The following C9 variants were observed in gnomAD, a reference collection of about 807,000 sequenced individuals.
C9 encodes the protein complement C9.
C9 carries 63 observed loss-of-function variants against 65.4 expected under a neutral mutation model. That is an observed-to-expected ratio of 0.96 (90% CI 0.79 to 1.19). The LOEUF (loss-of-function observed/expected upper bound fraction) is 1.19. Among genes scored for constraint, C9 ranks in the 50% most tolerant of loss-of-function variants. C9 has a pLI of 0.00. For synonymous variants in C9, 229 were observed against 227.9 expected (o/e 1.00, Z -0.04); for missense variants, 744 against 670.1 (o/e 1.11, Z -1.22).
At chr5:39,340,172 T>C (rs1754048691) in intron 4 of C9, among the ~76,000 whole-genome samples, 1 of 152,324 alleles carries the variant, frequency 6.6e-6, no homozygotes, top group African/African-American at 2.4e-5. Flanking sequence ...AATTAATAAT[T>C]AGCCAATGTA....
rs759197863 is a variant in C9, at chr5:39,364,491, G to C, written c.-27C>G. On this transcript the variant is annotated 5_prime_UTR_variant, in exon 1 of 11. Coordinates refer to ENST00000263408, the MANE Select transcript of C9 (RefSeq NM_001737.5). The stretch of plus-strand genomic sequence containing the variant: ...CTGCTCTTGCTGGGTGGCTGCGAGT[G>C]GGGTGGCAGGGCAGGTCTGGTAAGG... 5.0e-6 allele frequency: 7 copies of C among 1,398,136 alleles called. No homozygotes were observed. Among genetic ancestry groups the C allele is most frequent in the Non-Finnish European group, 6.1e-6 (6 of 985,220 alleles). The allele number at this position is 1,398,136 out of a possible 1,614,324, so 86.6% of individuals were successfully genotyped here. A position where few individuals can be genotyped will look rare whatever the true frequency, so the allele number is the denominator to read the frequency against.
intron 1 of C9, among the ~76,000 whole-genome samples, chr5:39,364,097 A>G (rs888551805): frequency 6.6e-6 from 1 of 152,224 alleles, no homozygotes; most frequent in Non-Finnish European, 1.5e-5. Flanking sequence ...TTCATCATAC[A>G]CTGGTGAAAA....
chr5:39,359,174 G>A (rs10941432), intron 1 of C9, among the ~76,000 whole-genome samples: 59,604 of 144,750 alleles, frequency 0.41, 13,010 homozygotes, highest in Non-Finnish European at 0.48. Context: ...AATGACACAC[G>A]TAGAGGTCTC....
At chr5:39,306,138 G>C (rs1310238547) in intron 9 of C9, among the ~76,000 whole-genome samples, 1 of 146,040 alleles carries the variant, frequency 6.8e-6, no homozygotes, top group African/African-American at 2.5e-5. Flanking sequence ...ACTCCAGCCT[G>C]GGTGACACAG....
At chr5:39,341,986 G>A in intron 2 of C9, 105 bp downstream of exon 2, 1 of 790,918 alleles carries the variant, frequency 1.3e-6, no homozygotes, top group South Asian at 1.4e-5. Flanking sequence ...TTCTGGGTTT[G>A]GAACTCAGTT....
chr5:39,349,156 G>T (rs1438990566), intron 1 of C9, among the ~76,000 whole-genome samples: 7 of 147,636 alleles, frequency 4.7e-5, no homozygotes, highest in African/African-American at 1.5e-4. Context: ...ATATGCCCTA[G>T]AACTTAAAGT....
intron 5 of C9, among the ~76,000 whole-genome samples, chr5:39,316,512 C>CA (rs1753572468): frequency 6.6e-6 from 1 of 152,098 alleles, no homozygotes; most frequent in African/African-American, 2.4e-5. Flanking sequence ...CCCCTACCCC[C>CA]AACAGGCCCC....
chr5:39,349,279 C>A (rs536948970), intron 1 of C9, among the ~76,000 whole-genome samples: 1 of 152,044 alleles, frequency 6.6e-6, no homozygotes, highest in South Asian at 2.1e-4. Context: ...CATTGAATAT[C>A]TCCTTCCTTT....
intron 4 of C9, among the ~76,000 whole-genome samples, chr5:39,332,275 C>A (rs1011635095): frequency 6.6e-5 from 10 of 152,274 alleles, no homozygotes; most frequent in Non-Finnish European, 1.3e-4. Flanking sequence ...CTCTCACTCA[C>A]CCCATTCTCT....
intron 9 of C9, among the ~76,000 whole-genome samples, chr5:39,293,311 T>A (rs1010462619): frequency 7.2e-5 from 11 of 152,012 alleles, no homozygotes; most frequent in Non-Finnish European, 1.2e-4. Context: ...ATGTTCCCTA[T>A]AAGAAACTCA....
chr5:39,342,002 G>T, intron 2 of C9, 89 bp downstream of exon 2: 2 of 832,956 alleles, frequency 2.4e-6, no homozygotes, highest in South Asian at 1.3e-5. Context: ...CAGTTGTGGG[G>T]CTCCCTGCCT....
intron 5 of C9, among the ~76,000 whole-genome samples, chr5:39,330,807 A>T (rs2111927467): frequency 6.6e-6 from 1 of 152,366 alleles, no homozygotes; most frequent in African/African-American, 2.4e-5. Flanking sequence ...AGTCTTTAGC[A>T]TTCATGAGAA....
intron 5 of C9, among the ~76,000 whole-genome samples, chr5:39,319,036 C>T (rs918500697): frequency 3.3e-5 from 5 of 152,026 alleles, no homozygotes; most frequent in Admixed American, 1.3e-4. Context: ...AGAATGTTCT[C>T]TTACTCTTTC....
At position 39,331,729 on chromosome 5, in the gene C9, T is replaced by C; in HGVS notation, c.562A>G (p.Asn188Asp). 1 of 1,613,832 alleles carries C rather than the reference T, an allele frequency of 6.2e-7. No homozygotes were observed. The change falls in exon 5 of 11, where the codon AAC (asparagine) becomes GAC (aspartate). Residue 188 changes from asparagine (N) to aspartate (D), a missense_variant. Coordinates refer to ENST00000263408, the MANE Select transcript of C9 (RefSeq NM_001737.5). ...NGLCNRDRDG[N>D]TLTYYRRPWN... Reference sequence around the variant, plus strand: ...GGTCTTCGGTAGTATGTCAGAGTGTTTCCATCCCGATCCCGGTTACAGAGT... The same window carrying C: ...GGTCTTCGGTAGTATGTCAGAGTGTCTCCATCCCGATCCCGGTTACAGAGT...
At chr5:39,307,306 TGTAA>T (rs1228655156) in intron 8 of C9, among the ~76,000 whole-genome samples, 1 of 152,206 alleles carries the variant, frequency 6.6e-6, no homozygotes, top group East Asian at 1.9e-4. Context: ...AACAAAACTT[TGTAA>T]GTCTTTTACA....
At chr5:39,338,547 G>A (rs1249213990) in intron 4 of C9, among the ~76,000 whole-genome samples, 1 of 152,162 alleles carries the variant, frequency 6.6e-6, no homozygotes, top group Non-Finnish European at 1.5e-5. Flanking sequence ...AAAGTATTAT[G>A]CAAATGAAAG....
Position 39,285,153 on chromosome 5 carries a change from T to C in C9, c.*46A>G. 1 of 1,504,306 alleles carries C rather than the reference T, an allele frequency of 6.6e-7. No individual in the cohort carries two copies. Among genetic ancestry groups the C allele is most frequent in the Non-Finnish European group, 9.3e-7 (1 of 1,079,984 alleles). 93.2% of individuals were successfully genotyped at this position (1,504,306 alleles called of 1,614,324 possible). ...TATCTTCAGGGGTAGGATCTGAAGG[T>C]ACTAGTGTTTTCTTCTTCCACTGGA... On this transcript the variant is annotated 3_prime_UTR_variant, in exon 11 of 11. Transcript: ENST00000263408.
chr5:39,341,390 A>G, intron 3 of C9, 97 bp from the exon 4 acceptor site: 1 of 1,501,950 alleles, frequency 6.7e-7, no homozygotes, highest in Non-Finnish European at 9.3e-7. Flanking sequence ...GAGGTGAGGT[A>G]TCAGAAAAAC....
In C9 at chr5:39,314,457, A is replaced by ATAAAT. The variant is rs564121235; in HGVS notation, c.870+1313_870+1317dup. On this transcript the variant is annotated intron_variant, in intron 6 of 10. Coordinates refer to ENST00000263408, the MANE Select transcript of C9 (RefSeq NM_001737.5). ...AGAGCAAAAATCTATCTCAAAATAA[A>ATAAAT]TAAATTAAATTAAATTAAATTAAAT... Among the ~76,000 whole-genome samples, 192 of 152,124 alleles carry ATAAAT rather than the reference A, an allele frequency of 1.3e-3. 1 individual carries two copies. The highest frequency in any genetic ancestry group is 0.01 in the East Asian group (53 of 5,178).
Sources: gnomAD v4.1 joint callset for allele counts (sites outside exome capture counted in the v4.1 genomes callset) on GRCh38, gnomAD v4.1.1 for gene constraint, MANE v1.5 for transcripts, NCBI Gene and HGNC (gene_info 2026-07-23, HGNC 2026-07-21) for gene names.